BET1: variants seen among roughly 807,000 people sequenced by gnomAD.
BET1 encodes Bet1 golgi vesicular membrane trafficking protein.
In BET1, 9 loss-of-function variants were observed where a neutral mutation model predicts 13.9. That is an observed-to-expected ratio of 0.65 (90% confidence interval 0.39 to 1.13). The LOEUF is 1.13. BET1 is among the 50% of genes most tolerant of loss of function. The probability of loss-of-function intolerance (pLI) is 0.01; values close to 1 mark genes in which losing one functional copy is unlikely to be tolerated. For missense variants in BET1, 127 were observed against 133.6 expected, an observed-to-expected ratio of 0.95 and a Z score of 0.24; for synonymous variants, 39 against 47.3, an observed-to-expected ratio of 0.82 and a Z score of 0.72.
chr7:93,980,306 C>G (rs984036136), intron 4 of BET1, among the ~76,000 whole-genome samples: 2 of 152,032 alleles, frequency 1.3e-5, no homozygotes, highest in Non-Finnish European at 2.9e-5. Flanking sequence ...CACCAAAGCC[C>G]AAGACACTAT....
Position 93,994,307 on chromosome 7 carries a change from T to C in BET1, c.280A>G (p.Thr94Ala). The C allele has an allele frequency of 6.2e-7, 1 of 1,613,892 alleles. No homozygotes were observed. The highest frequency in any genetic ancestry group is 8.5e-7 in the Non-Finnish European group (1 of 1,179,890). Reference protein sequence around the residue: ...KLKILSRGSQTKLLCYMMLFS... With the variant: ...KLKILSRGSQAKLLCYMMLFS... ...AGCATCATATAGCACAGCAGCTTTG[T>C]TTGGCTCCCTCTGGATAAAATCTTC... The change falls in exon 4 of 4, where the codon ACA becomes GCA. Residue 94 changes from threonine (T) to alanine (A), a missense_variant. By Grantham distance (58) the Thr-to-Ala change is moderately conservative (BLOSUM62 0). Coordinates refer to ENST00000222547, the MANE Select transcript of BET1 (RefSeq NM_005868.6).
At chr7:93,973,974 T>A in intron 5 of BET1, among the ~76,000 whole-genome samples, 1 of 152,052 alleles carries the variant, frequency 6.6e-6, no homozygotes, top group East Asian at 1.9e-4. Flanking sequence ...ACAAATAATA[T>A]ACTTTCCTTA....
chr7:93,998,427 G>A (rs1259060330), intron 2 of BET1, among the ~76,000 whole-genome samples: 3 of 151,476 alleles, frequency 2.0e-5, no homozygotes, highest in African/African-American at 7.3e-5. Flanking sequence ...GGCCAGGTGC[G>A]GTGGCTCACA....
chr7:93,994,734 T>TC (rs1484141843), intron 3 of BET1, among the ~76,000 whole-genome samples: 1 of 152,246 alleles, frequency 6.6e-6, no homozygotes, highest in Non-Finnish European at 1.5e-5. Context: ...CAGATTTTTT[T>TC]CCCCACTTTT....
chr7:93,981,591 A>C (rs896458275), intron 4 of BET1, among the ~76,000 whole-genome samples: 1 of 152,160 alleles, frequency 6.6e-6, no homozygotes, highest in African/African-American at 2.4e-5. Context: ...CACAGCCTCA[A>C]AGGAAAAACA....
At chr7:93,997,449 A>G (rs1404353506) in intron 2 of BET1, among the ~76,000 whole-genome samples, 1 of 152,218 alleles carries the variant, frequency 6.6e-6, no homozygotes, top group Non-Finnish European at 1.5e-5. Flanking sequence ...TAAATTATCT[A>G]CATTGGGGGG....
chr7:93,984,956 G>T (rs551439834), intron 4 of BET1, among the ~76,000 whole-genome samples: 1 of 152,140 alleles, frequency 6.6e-6, no homozygotes, highest in Non-Finnish European at 1.5e-5. Context: ...AAATTCAGAA[G>T]CTAGGAGATT....
chr7:93,992,746 T>C (rs1795662548), downstream of BET1: 1 of 933,052 alleles, frequency 1.1e-6, no homozygotes, highest in Non-Finnish European at 1.3e-6. Flanking sequence ...TACCAGGCAC[T>C]TTACAACATA....
intron 6 of BET1, among the ~76,000 whole-genome samples, chr7:93,965,943 T>C (rs1246443279): frequency 1.3e-5 from 2 of 152,038 alleles, no homozygotes; most frequent in African/African-American, 4.8e-5. Context: ...CTCTTAAGTC[T>C]GTACTTGGAG....
At chr7:93,994,519 T>G in intron 3 of BET1, 134 bp from the exon 4 acceptor site, 2 of 984,840 alleles carry the variant, frequency 2.0e-6, no homozygotes, top group Non-Finnish European at 2.8e-6. Flanking sequence ...TTCAGGAGCC[T>G]GTTGATAACC....
downstream of BET1, chr7:93,993,210 T>A: frequency 3.1e-6 from 3 of 982,450 alleles, no homozygotes; most frequent in Non-Finnish European, 3.6e-6. Flanking sequence ...TTTCTCAGAT[T>A]CTACTGAGAA....
intron 4 of BET1, among the ~76,000 whole-genome samples, chr7:93,981,356 T>A (rs1795424090): frequency 6.6e-6 from 1 of 152,210 alleles, no homozygotes; most frequent in Admixed American, 6.5e-5. Flanking sequence ...GGTCATTAAT[T>A]GTTTACATTA....
exon 5 of BET1, chr7:93,976,016 C>T (rs557416577): frequency 7.8e-7 from 1 of 1,281,054 alleles, no homozygotes; most frequent in African/African-American, 1.5e-5. Flanking sequence ...TTTTAAGCTT[C>T]TGGACAAATG....
intron 2 of BET1, among the ~76,000 whole-genome samples, chr7:93,998,921 C>T (rs1052050870): frequency 6.6e-6 from 1 of 151,940 alleles, no homozygotes; most frequent in African/African-American, 2.4e-5. Context: ...TTACAGCAGA[C>T]AGCATACAGT....
intron 4 of BET1, among the ~76,000 whole-genome samples, chr7:93,979,286 C>G (rs1362413807): frequency 6.6e-6 from 1 of 152,154 alleles, no homozygotes; most frequent in Non-Finnish European, 1.5e-5. Flanking sequence ...GTCTAACACA[C>G]AGGCCTAGCT....
intron 6 of BET1, among the ~76,000 whole-genome samples, chr7:93,970,304 G>A (rs1381031639): frequency 2.0e-5 from 3 of 151,736 alleles, no homozygotes; most frequent in African/African-American, 7.2e-5. Context: ...GTAGCCCCTG[G>A]AACATTGGGT....
chr7:93,975,095 T>C (rs770493292), intron 5 of BET1, among the ~76,000 whole-genome samples: 20 of 152,048 alleles, frequency 1.3e-4, no homozygotes, highest in South Asian at 4.1e-4. Context: ...GAAGTGTCTG[T>C]TGTATCTGAT....
chr7:93,992,658 T>C, downstream of BET1: 1 of 985,270 alleles, frequency 1.0e-6, no homozygotes. Context: ...CCTATTGTCT[T>C]GTCCTTAAAA....
chr7:93,988,725 G>A (rs1308663357), downstream of BET1, among the ~76,000 whole-genome samples: 1 of 151,840 alleles, frequency 6.6e-6, no homozygotes, highest in East Asian at 1.9e-4. Flanking sequence ...GCCCTTAGAA[G>A]GTCTACATCC....
Sources: allele counts gnomAD v4.1 joint callset (sites outside exome capture counted in the v4.1 genomes callset), GRCh38; gene constraint gnomAD v4.1.1; transcripts MANE v1.5; gene names NCBI Gene and HGNC (gene_info 2026-07-23, HGNC 2026-07-21).